The following CLSTN1 variants were observed in gnomAD, a reference collection of about 807,000 sequenced individuals.
CLSTN1 encodes calsyntenin-1.
In CLSTN1, 28 loss-of-function variants were observed where a neutral mutation model predicts 108.3. The ratio of observed to expected loss-of-function variants is 0.26; its 90% CI spans 0.19 to 0.35. CLSTN1 has a LOEUF of 0.35. CLSTN1 is among the 10% of genes least tolerant of loss of function. CLSTN1 has a pLI of 1.00. For missense variants in CLSTN1, 1,157 were observed against 1,302.6 expected (o/e 0.89, Z 1.72); for synonymous variants, 524 against 534.9 (o/e 0.98, Z 0.28).
At chr1:9,822,999 G>A (rs946339940) in intron 1 of CLSTN1, among the ~76,000 whole-genome samples, 5 of 152,172 alleles carry the variant, frequency 3.3e-5, no homozygotes, top group African/African-American at 1.2e-4. Flanking sequence ...GTGAAAAGGT[G>A]GGAGGGAAGC....
intron 2 of CLSTN1, among the ~76,000 whole-genome samples, chr1:9,764,519 C>G (rs1019715066): frequency 1.3e-5 from 2 of 151,884 alleles, no homozygotes; most frequent in Non-Finnish European, 2.9e-5. Context: ...GGCCTGTAAT[C>G]CCAGCTACTC....
rs780514489 is a variant in CLSTN1 at position 9,731,860 on chromosome 1, C to A, written c.2464G>T (p.Ala822Ser). The change falls in exon 17 of 19, where the codon GCC (alanine) becomes TCC (serine). Residue 822 changes from alanine to serine, a missense_variant. Coordinates refer to ENST00000377298, the MANE Select transcript of CLSTN1 (RefSeq NM_001009566.3). ...TGTGGCTGGGCAGCCATGTGGTTGG[C>A]GTGTTCCATGGGGTTGGCCGTGTGG... ...VIHTANPMEH[A>S]NHMAAQPQFV... 6.2e-7 allele frequency: 1 copy of A among 1,614,040 alleles called. No individual in the cohort carries two copies. Among genetic ancestry groups the A allele is most frequent in the Admixed American group, 1.7e-5 (1 of 59,996 alleles).
At chr1:9,793,148 G>A (rs1653842933) in intron 1 of CLSTN1, among the ~76,000 whole-genome samples, 1 of 151,260 alleles carries the variant, frequency 6.6e-6, no homozygotes, top group Non-Finnish European at 1.5e-5. Flanking sequence ...TAGCAGCTGG[G>A]ACTATAAGCA....
chr1:9,793,477 A>G (rs1177193191), intron 1 of CLSTN1, among the ~76,000 whole-genome samples: 1 of 151,458 alleles, frequency 6.6e-6, no homozygotes, highest in Non-Finnish European at 1.5e-5. Context: ...AATCTGAGAC[A>G]ATCAATCTGA....
chr1:9,764,637 TAAAAAAAAAA>T (rs70998307), intron 2 of CLSTN1, among the ~76,000 whole-genome samples: 10 of 82,336 alleles, frequency 1.2e-4, no homozygotes, highest in African/African-American at 4.3e-4. Context: ...GCTCCATCTT[TAAAAAAAAAA>T]AAAAAAAAAA....
At chr1:9,809,680 A>C (rs912880185) in intron 1 of CLSTN1, among the ~76,000 whole-genome samples, 1 of 151,908 alleles carries the variant, frequency 6.6e-6, no homozygotes, top group Non-Finnish European at 1.5e-5. Context: ...GGGCAGGTGG[A>C]TCATGAGGTC....
rs559155018 is a variant in CLSTN1, at chr1:9,814,342, G to A, written c.91+9301C>T. ...TGGGCAGATCGCTTGAACCTTGGGAGGACGGAGATTGCAGTGAGCTGAGAT... is the reference window on the plus strand; with the variant it reads ...TGGGCAGATCGCTTGAACCTTGGGAAGACGGAGATTGCAGTGAGCTGAGAT... On this transcript the variant is annotated intron_variant, in intron 1 of 18. Transcript: ENST00000377298. 6.6e-5 allele frequency among the ~76,000 whole-genome samples: 10 copies of A among 151,912 alleles called. No homozygotes were observed. The South Asian group carries it at 1.9e-3, about 28-fold the overall frequency.
intron 1 of CLSTN1, among the ~76,000 whole-genome samples, chr1:9,804,134 G>C (rs529641193): frequency 6.6e-6 from 1 of 151,806 alleles, no homozygotes; most frequent in South Asian, 2.1e-4. Flanking sequence ...AGGCTGAGGC[G>C]GGCGGATCAC....
At chr1:9,773,123 G>GAA in intron 2 of CLSTN1, 149 bp downstream of exon 2, 4 of 1,035,580 alleles carry the variant, frequency 3.9e-6, no homozygotes, top group Admixed American at 2.7e-5. Context: ...CTATTAAAAG[G>GAA]AAAAAAAAAC....
intron 1 of CLSTN1, among the ~76,000 whole-genome samples, chr1:9,807,155 A>C (rs1323997749): frequency 6.6e-6 from 1 of 152,056 alleles, no homozygotes; most frequent in Non-Finnish European, 1.5e-5. Context: ...GCCTGTGAGA[A>C]GCCCTGCAGT....
intron 8 of CLSTN1, 115 bp downstream of exon 8, chr1:9,744,280 T>C (rs1466841605): frequency 6.3e-6 from 9 of 1,429,074 alleles, no homozygotes; most frequent in Non-Finnish European, 7.5e-6. Flanking sequence ...GCATGGCACA[T>C]GGCCTACGAG....
At chr1:9,796,202 C>G (rs558906825) in intron 1 of CLSTN1, among the ~76,000 whole-genome samples, 1 of 147,386 alleles carries the variant, frequency 6.8e-6, no homozygotes, top group East Asian at 2.1e-4. Flanking sequence ...GCAGAGGTTG[C>G]AGTGAGCGGA....
intron 2 of CLSTN1, among the ~76,000 whole-genome samples, chr1:9,767,037 C>A (rs1018161444): frequency 6.6e-6 from 1 of 152,246 alleles, no homozygotes; most frequent in African/African-American, 2.4e-5. Context: ...CCAGAGGCGG[C>A]TCTGTCACTT....
intron 1 of CLSTN1, among the ~76,000 whole-genome samples, chr1:9,805,654 G>A (rs1033335091): frequency 1.3e-5 from 2 of 152,068 alleles, no homozygotes; most frequent in Admixed American, 1.3e-4. Context: ...ATCACCTGAG[G>A]TCAGGAGTTC....
chr1:9,823,554 G>T lies in CLSTN1; in HGVS notation c.91+89C>A. 2.3e-6 allele frequency: 2 copies of T among 876,674 alleles called. No homozygotes were observed. Among genetic ancestry groups the T allele is most frequent in the African/African-American group, 1.8e-5 (1 of 55,672 alleles). The allele number at this position is 876,674 out of a possible 1,614,324, so 54.3% of individuals were successfully genotyped here. A position where few individuals can be genotyped will look rare whatever the true frequency, so the allele number is the denominator to read the frequency against. ...GCATCCGGCCCTACTCCCGCACCCG[G>T]ACCCGAATCCCCGCACCGGGACCCG... On this transcript the variant is annotated intron_variant, in intron 1 of 18. Transcript: ENST00000377298. This position sits in a 1 kb window ranked among gnomAD's most constrained non-coding sequence, Gnocchi z 6.3.
intron 1 of CLSTN1, among the ~76,000 whole-genome samples, chr1:9,803,730 G>A (rs1436845143): frequency 6.6e-5 from 10 of 152,074 alleles, no homozygotes; most frequent in Non-Finnish European, 1.5e-5. Context: ...TTGAACCCAG[G>A]AGGTGAAGGC....
rs755581999 is a variant in CLSTN1, at chr1:9,744,474, C to T, written c.1155G>A (p.Pro385=). 2.9e-5 allele frequency: 47 copies of T among 1,611,540 alleles called. No homozygotes were observed. The highest frequency in any genetic ancestry group is 5.3e-5 in the African/African-American group (4 of 75,002). ...DGVVSVSPKE[P]FTISVWMRHG... ...GTCTCATCCACACCGAGATGGTGAA[C>T]GGCTCTTTGGGGCTGACCGACACGA... Residue 385 remains proline, a synonymous_variant, in exon 8 of 19, where the codon CCG becomes CCA. Transcript: ENST00000377298.
chr1:9,775,673 A>C (rs867684349), intron 1 of CLSTN1, among the ~76,000 whole-genome samples: 8 of 152,082 alleles, frequency 5.3e-5, no homozygotes, highest in Non-Finnish European at 1.5e-5. Flanking sequence ...TCAGACTATG[A>C]ATGAACCAGG....
chr1:9,774,522 C>T (rs1384135656), intron 1 of CLSTN1, among the ~76,000 whole-genome samples: 1 of 151,018 alleles, frequency 6.6e-6, no homozygotes, highest in Non-Finnish European at 1.5e-5. Context: ...GCCAAGATCA[C>T]GCCACCGCAC....
Sources: gnomAD v4.1 joint callset for allele counts (sites outside exome capture counted in the v4.1 genomes callset) on GRCh38, gnomAD v4.1.1 for gene constraint, Gnocchi (gnomAD v3.1) non-coding constraint, MANE v1.5 for transcripts, NCBI Gene and HGNC (gene_info 2026-07-23, HGNC 2026-07-21) for gene names.